Variants in CHCHD6 observed in about 807,000 individuals in gnomAD.
The protein encoded by CHCHD6 is coiled-coil-helix-coiled-coil-helix domain containing 6, also known as MICOS complex subunit MIC25.
A neutral mutation model predicts 32.3 loss-of-function variants in CHCHD6; 28 were observed. That is an observed-to-expected ratio of 0.87 (90% CI 0.64 to 1.19). CHCHD6 has a LOEUF of 1.19. Among genes scored for constraint, CHCHD6 ranks in the 50% most tolerant of loss-of-function variants. CHCHD6 has a pLI of 0.00. For missense variants in CHCHD6, 333 were observed against 307.0 expected (o/e 1.08, Z -0.63); for synonymous variants, 122 against 117.5 (o/e 1.04, Z -0.25).
At chr3:126,918,661 A>G (rs1416454752) in intron 6 of CHCHD6, among the ~76,000 whole-genome samples, 2 of 152,198 alleles carry the variant, frequency 1.3e-5, no homozygotes, top group African/African-American at 4.8e-5. Flanking sequence ...TAACTTATTG[A>G]AGGAATTGAA....
chr3:126,827,596 CT>C lies in CHCHD6; in HGVS notation c.412-25048del, dbSNP rs1453541465. On this transcript the variant is annotated intron_variant, in intron 4 of 7. Transcript: ENST00000290913. ...GGGTTAGGGCTTCACCTTCTTTAAC[CT>C]TTCTTGGGCTCTGACATGGAGAACC... is the stretch of plus-strand genomic sequence containing the variant. 3.3e-5 allele frequency among the ~76,000 whole-genome samples: 5 copies of C among 152,248 alleles called. No individual in the cohort carries two copies. In the East Asian group the frequency reaches 9.7e-4, roughly 29 times the overall value.
At position 126,824,020 on chromosome 3, in the gene CHCHD6, A is replaced by C. The variant is rs1025179060; in HGVS notation, c.412-28627A>C. 2.0e-5 allele frequency among the ~76,000 whole-genome samples: 3 copies of C among 152,310 alleles called. No homozygotes were observed. The East Asian group carries it at 5.8e-4, about 29-fold the overall frequency. On this transcript the variant is annotated intron_variant, in intron 4 of 7. Transcript: ENST00000290913. ...AGTCCTGGAATTTGAGGCTACAGTG[A>C]GCTATAATCGCCACACCACTGCATT...
chr3:126,716,952 T>G (rs1459224197), intron 1 of CHCHD6, among the ~76,000 whole-genome samples: 1 of 152,174 alleles, frequency 6.6e-6, no homozygotes, highest in Non-Finnish European at 1.5e-5. Flanking sequence ...TCGCTTTAGC[T>G]TCTGTAGTGG....
intron 5 of CHCHD6, among the ~76,000 whole-genome samples, chr3:126,910,273 G>GAAAAAAAAAAAAACAAAAAAAAAAAAAAC (rs5852498): frequency 7.2e-5 from 8 of 111,454 alleles, no homozygotes; most frequent in Non-Finnish European, 1.3e-4. Context: ...CCTGCCTCAG[G>GAAAAAAAAAAAAACAAAAAAAAAAAAAAC]AAAAAAAAAA....
chr3:126,958,830 G>T (rs2107611565), intron 7 of CHCHD6, among the ~76,000 whole-genome samples: 1 of 152,296 alleles, frequency 6.6e-6, no homozygotes, highest in South Asian at 2.1e-4. Context: ...CACTGGGTAG[G>T]CTGGGCCAGA....
chr3:126,727,884 A>G (rs2166910), intron 2 of CHCHD6, among the ~76,000 whole-genome samples: 9 of 152,230 alleles, frequency 5.9e-5, no homozygotes, highest in African/African-American at 2.2e-4. Flanking sequence ...ATGTTAAAAT[A>G]TTACAAAATA....
intron 4 of CHCHD6, chr3:126,766,886 T>C: frequency 1.0e-6 from 1 of 990,926 alleles, no homozygotes; most frequent in Non-Finnish European, 1.6e-6. Context: ...TGGGGGACCA[T>C]CTCATCCTGC....
In CHCHD6 at chr3:126,856,650, G is replaced by T. The variant is rs1344094331; in HGVS notation, c.495+3920G>T. On this transcript the variant is annotated intron_variant, in intron 5 of 7. Coordinates refer to ENST00000290913, the MANE Select transcript of CHCHD6 (RefSeq NM_032343.3). Reference sequence around the variant, plus strand: ...GATTCAGGTATTATGGGGCTAAGGGGACTTGTGCCTCTTCAGAACCCCCAC... The same window carrying T: ...GATTCAGGTATTATGGGGCTAAGGGTACTTGTGCCTCTTCAGAACCCCCAC... 3.9e-5 allele frequency among the ~76,000 whole-genome samples: 6 copies of T among 152,204 alleles called. No homozygotes were observed. The South Asian group carries it at 1.2e-3, about 31-fold the overall frequency.
chr3:126,767,187 A>G (rs1189063574), intron 4 of CHCHD6: 1 of 1,590,528 alleles, frequency 6.3e-7, no homozygotes, highest in Non-Finnish European at 8.6e-7. Context: ...ATCATACTGA[A>G]TTCAGCCCCA....
At chr3:126,840,492 TGAA>T (rs1941029436) in intron 4 of CHCHD6, among the ~76,000 whole-genome samples, 1 of 152,184 alleles carries the variant, frequency 6.6e-6, no homozygotes, top group African/African-American at 2.4e-5. Flanking sequence ...ACAGGTGTAA[TGAA>T]GGAAGATAAA....
At position 126,705,301 on chromosome 3, in the gene CHCHD6, G is replaced by A. The variant is rs376003495; in HGVS notation, c.87+902G>A. 5.3e-5 allele frequency among the ~76,000 whole-genome samples: 8 copies of A among 152,220 alleles called. No homozygotes were observed. In the East Asian group the frequency reaches 7.7e-4, roughly 15 times the overall value. ...TACTTGTTTATTGCGTTTACTGCTA[G>A]AGTGTAAGCTTTTTGAGGCTAAGGT... On this transcript the variant is annotated intron_variant, in intron 1 of 7. Coordinates refer to ENST00000290913, the MANE Select transcript of CHCHD6 (RefSeq NM_032343.3).
intron 4 of CHCHD6, among the ~76,000 whole-genome samples, chr3:126,807,793 C>T (rs1478732350): frequency 6.6e-6 from 1 of 152,150 alleles, no homozygotes; most frequent in African/African-American, 2.4e-5. Flanking sequence ...TGCTGTATAA[C>T]AAATTACTCC....
At chr3:126,865,586 C>T in intron 5 of CHCHD6, 6 of 985,404 alleles carry the variant, frequency 6.1e-6, no homozygotes, top group Non-Finnish European at 7.2e-6. Flanking sequence ...CCCTCTTCCT[C>T]TACCACCTCC....
At chr3:126,813,479 G>T (rs1215175781) in intron 4 of CHCHD6, among the ~76,000 whole-genome samples, 1 of 152,198 alleles carries the variant, frequency 6.6e-6, no homozygotes, top group Non-Finnish European at 1.5e-5. Flanking sequence ...GTGAGAGGAA[G>T]GACAGAAAGA....
In CHCHD6 at chr3:126,935,216, A is replaced by G. The variant is rs746806022; in HGVS notation, c.566+20466A>G. ...TGGTGAGCGGGATGGCAGGGCTGGC[A>G]TGAGGCAGAGGGCTCAGTGTATCCC... On this transcript the variant is annotated intron_variant, in intron 6 of 7. Transcript: ENST00000290913. The G allele has an allele frequency of 5.1e-4, 470 of 930,672 alleles. 1 individual carries two copies. The highest frequency in any genetic ancestry group is 1.5e-3 in the Middle Eastern group (5 of 3,438). 57.7% of individuals were successfully genotyped at this position (930,672 alleles called of 1,614,324 possible). A position where few individuals can be genotyped will look rare whatever the true frequency, so the allele number is the denominator to read the frequency against.
At chr3:126,898,171 C>A (rs2077867977) in intron 5 of CHCHD6, among the ~76,000 whole-genome samples, 1 of 152,264 alleles carries the variant, frequency 6.6e-6, no homozygotes, top group Admixed American at 6.5e-5. Flanking sequence ...CCGGCTCGCA[C>A]CCCCTGGACT....
intron 5 of CHCHD6, among the ~76,000 whole-genome samples, chr3:126,865,262 G>A (rs1005276457): frequency 3.8e-4 from 55 of 144,020 alleles, no homozygotes; most frequent in African/African-American, 1.1e-3. Context: ...TGACATCTAC[G>A]TTCAATTTTA....
At chr3:126,847,493 C>G (rs1192765019) in intron 4 of CHCHD6, among the ~76,000 whole-genome samples, 3 of 152,172 alleles carry the variant, frequency 2.0e-5, no homozygotes, top group Admixed American at 1.3e-4. Context: ...AGACAGAAAT[C>G]ACTGTCTTTT....
At chr3:126,816,154 GC>G (rs1418553162) in intron 4 of CHCHD6, among the ~76,000 whole-genome samples, 3 of 151,846 alleles carry the variant, frequency 2.0e-5, no homozygotes, top group Non-Finnish European at 2.9e-5. Context: ...CCACCTCTAG[GC>G]CAGGACCTCC....
Sources: allele counts gnomAD v4.1 joint callset (sites outside exome capture counted in the v4.1 genomes callset), GRCh38; gene constraint gnomAD v4.1.1; transcripts MANE v1.5; gene names NCBI Gene and HGNC (gene_info 2026-07-23, HGNC 2026-07-21).